LPP: variants seen among roughly 807,000 people sequenced by gnomAD.
The protein encoded by LPP is LIM domain containing preferred translocation partner in lipoma, also known as lipoma-preferred partner.
Under a neutral mutation model 60.4 loss-of-function variants are expected in LPP, and 38 were observed. The ratio of observed to expected loss-of-function variants is 0.63; its 90% CI spans 0.49 to 0.83. LPP has a LOEUF of 0.83. LPP is among the 40% of genes least tolerant of loss of function. The pLI is 0.00. For missense variants in LPP, 902 were observed against 783.6 expected (o/e 1.15, Z -1.80); for synonymous variants, 328 against 290.8 (o/e 1.13, Z -1.30).
At chr3:188,337,228 G>C (rs1407661494) in intron 2 of LPP, among the ~76,000 whole-genome samples, 1 of 152,180 alleles carries the variant, frequency 6.6e-6, no homozygotes, top group African/African-American at 2.4e-5. Flanking sequence ...CACTCCCAGA[G>C]CAAGAGACAC....
chr3:188,507,380 C>G (rs1161175780), intron 5 of LPP, among the ~76,000 whole-genome samples: 2 of 152,000 alleles, frequency 1.3e-5, no homozygotes, highest in Non-Finnish European at 2.9e-5. Context: ...TTAGTCCTTG[C>G]TACTGTTTGG....
intron 2 of LPP, among the ~76,000 whole-genome samples, chr3:188,317,760 G>T (rs573674923): frequency 3.6e-4 from 52 of 144,796 alleles, no homozygotes; most frequent in African/African-American, 1.3e-3. Context: ...GTATTAACCT[G>T]CTCTACCTTG....
intron 7 of LPP, among the ~76,000 whole-genome samples, chr3:188,632,583 C>A (rs1848033243): frequency 6.6e-6 from 1 of 152,184 alleles, no homozygotes; most frequent in Non-Finnish European, 1.5e-5. Context: ...GGAGAATGTC[C>A]TCTCTCAGCT....
chr3:188,223,207 G>A (rs745670246), intron 1 of LPP, among the ~76,000 whole-genome samples: 2 of 152,098 alleles, frequency 1.3e-5, no homozygotes, highest in African/African-American at 4.8e-5. Context: ...GGTGAGCTGC[G>A]TGATCCTGCA....
intron 1 of LPP, among the ~76,000 whole-genome samples, chr3:188,186,962 T>A (rs1726780132): frequency 6.6e-6 from 1 of 152,206 alleles, no homozygotes; most frequent in Admixed American, 6.5e-5. Flanking sequence ...TTACAGAATA[T>A]GCATAAATCT....
chr3:188,541,674 A>G, intron 6 of LPP, among the ~76,000 whole-genome samples: 1 of 152,162 alleles, frequency 6.6e-6, no homozygotes, highest in East Asian at 1.9e-4. Flanking sequence ...GGAAGGGCGG[A>G]TCACCTGAGG....
In LPP at chr3:188,760,284, T is replaced by TA; in HGVS notation, c.1410+4dup. 3 of 1,614,062 alleles carry TA rather than the reference T, an allele frequency of 1.9e-6. No individual in the cohort carries two copies. Among genetic ancestry groups the TA allele is most frequent in the Non-Finnish European group, 2.5e-6 (3 of 1,179,952 alleles). On this transcript the variant is annotated splice_region_variant and intron_variant, in intron 9 of 11. Coordinates refer to ENST00000617246, the MANE Select transcript of LPP (RefSeq NM_001375462.1). ...GCATACTGCGAGCCCTGCTACATTG[T>TA]AAGTTCCAGATTTGTTCCTCAAGCA... is the stretch of plus-strand genomic sequence containing the variant.
intron 9 of LPP, among the ~76,000 whole-genome samples, chr3:188,816,560 T>C (rs931214814): frequency 6.6e-6 from 1 of 152,188 alleles, no homozygotes; most frequent in African/African-American, 2.4e-5. Flanking sequence ...AATTCCACTC[T>C]CTTAGGCAGA....
intron 6 of LPP, among the ~76,000 whole-genome samples, chr3:188,608,422 G>A (rs1842937022): frequency 6.6e-6 from 1 of 151,978 alleles, no homozygotes; most frequent in South Asian, 2.1e-4. Context: ...ATCATCTATT[G>A]AAGAAATTTT....
chr3:188,338,141 T>C lies in LPP; in HGVS notation c.-66-3522T>C, dbSNP rs1578184142. Reference sequence around the variant, plus strand: ...TGTCAGAAGATTTCAGTGCCTCTGATAGATGCTGACAGGTGTGGAAATTAA... The same window carrying C: ...TGTCAGAAGATTTCAGTGCCTCTGACAGATGCTGACAGGTGTGGAAATTAA... On this transcript the variant is annotated intron_variant, in intron 2 of 11. Transcript: ENST00000617246. Among the ~76,000 whole-genome samples the C allele has an allele frequency of 2.6e-5, 4 of 152,248 alleles. No individual in the cohort carries two copies. In the South Asian group the frequency reaches 8.3e-4, roughly 32 times the overall value.
chr3:188,524,765 C>T lies in LPP; in HGVS notation c.407C>T (p.Pro136Leu). The T allele has an allele frequency of 4.3e-6, 7 of 1,613,968 alleles. No individual in the cohort carries two copies. Among genetic ancestry groups the T allele is most frequent in the South Asian group, 1.1e-5 (1 of 91,066 alleles). The change falls in exon 6 of 12, where the codon CCC becomes CTC. Residue 136 changes from proline (P) to leucine (L), a missense_variant. Transcript: ENST00000617246. ...TTGGCTGACCTTGAGTGCAGCTCCC[C>T]CTATAAGCCTCGGCCTCCACAGGTT... ...SILADLECSS[P>L]YKPRPPQSST... is the part of the protein sequence containing the mutation.
At chr3:188,669,516 C>T (rs979243785) in intron 7 of LPP, among the ~76,000 whole-genome samples, 2 of 152,092 alleles carry the variant, frequency 1.3e-5, no homozygotes, top group Non-Finnish European at 2.9e-5. Context: ...GCGGAGCTTG[C>T]AGTGAGCCGA....
At chr3:188,496,220 G>A (rs1282453620) in intron 5 of LPP, among the ~76,000 whole-genome samples, 1 of 151,962 alleles carries the variant, frequency 6.6e-6, no homozygotes, top group Non-Finnish European at 1.5e-5. Flanking sequence ...CCACCTCCAG[G>A]GTTCAAGCCA....
At chr3:188,673,225 C>T (rs560709786) in intron 7 of LPP, among the ~76,000 whole-genome samples, 2 of 151,964 alleles carry the variant, frequency 1.3e-5, no homozygotes, top group East Asian at 1.9e-4. Context: ...AGAGAAGTAC[C>T]GTTTTTTTGT....
chr3:188,440,949 ATGTG>A (rs10680234), intron 4 of LPP, among the ~76,000 whole-genome samples: 18 of 146,838 alleles, frequency 1.2e-4, no homozygotes, highest in African/African-American at 3.8e-4. Flanking sequence ...CTCCCTTAAT[ATGTG>A]TGTGTGTGTG....
intron 9 of LPP, among the ~76,000 whole-genome samples, chr3:188,820,693 G>A (rs1446665646): frequency 4.6e-5 from 7 of 152,168 alleles, no homozygotes; most frequent in Admixed American, 1.3e-4. Context: ...ATAAATGGAA[G>A]TTAGATTAAA....
chr3:188,568,579 G>A (rs1018417225), intron 6 of LPP: 2 of 151,932 alleles, frequency 1.3e-5, no homozygotes, highest in Non-Finnish European at 2.9e-5. Flanking sequence ...AGGGTCAGCA[G>A]AGGGTACTCT....
In LPP at chr3:188,406,198, C is replaced by T; in HGVS notation, c.78C>T (p.Thr26=). 6.2e-7 allele frequency: 1 copy of T among 1,614,174 alleles called. No homozygotes were observed. Among genetic ancestry groups the T allele is most frequent in the South Asian group, 1.1e-5 (1 of 91,082 alleles). ...ATGTGCCTGCACGGATGGAGACCAC[C>T]CATTCCTTTGGGAACCCCAGCATTT... ...LGHVPARMET[T]HSFGNPSISV... The change falls in exon 4 of 12, where the codon ACC becomes ACT. Residue 26 remains threonine, a synonymous_variant. Transcript: ENST00000617246.
chr3:188,156,848 C>CG (rs1269383517), intron 1 of LPP, among the ~76,000 whole-genome samples: 1 of 149,008 alleles, frequency 6.7e-6, no homozygotes, highest in African/African-American at 2.5e-5. Flanking sequence ...TCTGCTGCGC[C>CG]CCACCCCCCC....
Sources: gnomAD v4.1 joint callset for allele counts (sites outside exome capture counted in the v4.1 genomes callset) on GRCh38, gnomAD v4.1.1 for gene constraint, MANE v1.5 for transcripts, NCBI Gene and HGNC (gene_info 2026-07-23, HGNC 2026-07-21) for gene names.